Variants in SEPTIN4 observed in about 807,000 individuals in gnomAD.
SEPTIN4 encodes the protein septin-4.
A neutral mutation model predicts 107.1 loss-of-function variants in SEPTIN4; 52 were observed. The observed-to-expected ratio is 0.49, with a 90% CI of 0.39 to 0.61. The LOEUF (loss-of-function observed/expected upper bound fraction) is 0.61, where lower values mean the gene tolerates loss of function less well. Ranked by LOEUF, SEPTIN4 falls within the 20% of genes least tolerant of loss-of-function variation. SEPTIN4 has a pLI of 0.00. For synonymous variants in SEPTIN4, 417 were observed against 467.0 expected (o/e 0.89, Z 1.38); for missense variants, 1,048 against 1,243.5 (o/e 0.84, Z 2.36).
In SEPTIN4 at chr17:58,542,963, C is replaced by G. The variant is rs1176955659; in HGVS notation, c.1224G>C (p.Leu408=). 1 of 1,613,992 alleles carries G rather than the reference C, an allele frequency of 6.2e-7. No individual in the cohort carries two copies. The highest frequency in any genetic ancestry group is 1.6e-4 in the Middle Eastern group (1 of 6,062). ...ACCGAGGAGGCAAGGGCCTAGGGGT[C>G]AGTTCCAGTTCTGCATGGATGGAGG... is the stretch of plus-strand genomic sequence containing the variant. ...QKPSIHAELE[L]TPRPLPPRSL... is the part of the protein sequence containing the mutation. The change falls in exon 1 of 14, where the codon CTG becomes CTC. Residue 408 remains leucine (L), a synonymous_variant. Transcript: ENST00000672673.
At chr17:58,539,586 T>C (rs1334548248) in intron 3 of SEPTIN4, among the ~76,000 whole-genome samples, 1 of 152,224 alleles carries the variant, frequency 6.6e-6, no homozygotes, top group Non-Finnish European at 1.5e-5. Context: ...TTCATATTGT[T>C]GTTTAAATGT....
intron 5 of SEPTIN4, 42 bp downstream of exon 5, chr17:58,526,178 C>G (rs371979139): frequency 7.2e-6 from 11 of 1,538,140 alleles, no homozygotes; most frequent in Admixed American, 4.1e-5. Flanking sequence ...CCATCCCCAC[C>G]TGAAACACAC....
intron 3 of SEPTIN4, among the ~76,000 whole-genome samples, chr17:58,536,352 C>T (rs1427216183): frequency 6.6e-6 from 1 of 152,204 alleles, no homozygotes; most frequent in Non-Finnish European, 1.5e-5. Context: ...TCAACTGTGA[C>T]TATTTCAAAT....
Position 58,521,411 on chromosome 17 carries a change from T to C in SEPTIN4, c.2572-61A>G, listed in dbSNP as rs2144000636. ...GTTCTCACCTCTTTCTTTCCACCTGTATCGTCATCTTCTCTGCTTCATTCT... is the reference window on the plus strand; with the variant it reads ...GTTCTCACCTCTTTCTTTCCACCTGCATCGTCATCTTCTCTGCTTCATTCT... On this transcript the variant is annotated intron_variant, in intron 10 of 13. Coordinates refer to ENST00000672673, the MANE Select transcript of SEPTIN4 (RefSeq NM_001368771.2). This position sits in a 1 kb window ranked among gnomAD's most constrained non-coding sequence, Gnocchi z 6.4. The C allele has an allele frequency of 1.9e-6, 3 of 1,577,870 alleles. No individual in the cohort carries two copies. In the South Asian group the frequency reaches 3.3e-5, roughly 17 times the overall value.
In SEPTIN4 at chr17:58,521,261, G is replaced by A. The variant is rs781741246; in HGVS notation, c.2661C>T (p.Ile887=). 119 of 1,614,084 alleles carry A rather than the reference G, an allele frequency of 7.4e-5. No individual in the cohort carries two copies. Among genetic ancestry groups the A allele is most frequent in the Middle Eastern group, 1.6e-4 (1 of 6,084 alleles). ...ACAGGCTCAGTGCTTTACCTTCCAC[G>A]ATGCCCCAGGGGTAGAGTCGACCCC... ...RVRGRLYPWG[I]VEVENPGHCD... is the part of the protein sequence containing the mutation. The change falls in exon 11 of 14, where the codon ATC becomes ATT. Residue 887 remains isoleucine (I), a synonymous_variant. Coordinates refer to ENST00000672673, the MANE Select transcript of SEPTIN4 (RefSeq NM_001368771.2). The surrounding 1 kb of genome is among the most constrained non-coding windows in gnomAD (Gnocchi z 6.4).
chr17:58,541,353 G>A (rs1289097252), intron 2 of SEPTIN4, among the ~76,000 whole-genome samples: 1 of 152,222 alleles, frequency 6.6e-6, no homozygotes, highest in Non-Finnish European at 1.5e-5. Context: ...AGTATAAAGG[G>A]AGAGGAGGGT....
At chr17:58,529,748 C>T (rs1435316401) in intron 3 of SEPTIN4, 1 of 152,670 alleles carries the variant, frequency 6.6e-6, no homozygotes, top group Non-Finnish European at 1.5e-5. Flanking sequence ...TCCTATACTC[C>T]CCCATATAGG....
chr17:58,531,886 G>T, intron 3 of SEPTIN4: 3 of 1,111,728 alleles, frequency 2.7e-6, no homozygotes, highest in Non-Finnish European at 2.2e-6. Context: ...GGGTCCCCTT[G>T]CAGCCGCCCG....
chr17:58,521,792 T>G lies in SEPTIN4; in HGVS notation c.2413A>C (p.Ile805Leu), dbSNP rs371918956. The change falls in exon 9 of 14, where the codon ATC becomes CTC. Residue 805 changes from isoleucine (I) to leucine (L), a missense_variant. Ile to Leu is a conservative substitution (Grantham distance 5). Coordinates refer to ENST00000672673, the MANE Select transcript of SEPTIN4 (RefSeq NM_001368771.2). The surrounding 1 kb of genome is among the most constrained non-coding windows in gnomAD (Gnocchi z 6.4). The part of the protein sequence containing the change: ...ALHQRVNIVP[I>L]LAKADTLTPP... ...GTCAGTGTGTCTGCCTTAGCCAGGA[T>G]AGGCACGATGTTGACCCGCTGATGC... 6.2e-7 allele frequency: 1 copy of G among 1,614,194 alleles called. No individual in the cohort carries two copies. Among genetic ancestry groups the G allele is most frequent in the South Asian group, 1.1e-5 (1 of 91,084 alleles).
chr17:58,531,986 G>T, intron 3 of SEPTIN4: 1 of 1,144,412 alleles, frequency 8.7e-7, no homozygotes, highest in South Asian at 4.2e-5. Context: ...GGCGGGGCCG[G>T]CTCCGCCTGG....
rs2043924315 is a variant in SEPTIN4 at position 58,543,035 on chromosome 17, G to A, written c.1152C>T (p.Tyr384=). 1.2e-6 allele frequency: 2 copies of A among 1,610,940 alleles called. No homozygotes were observed. The highest frequency in any genetic ancestry group is 1.3e-5 in the African/African-American group (1 of 74,584). Residue 384 remains tyrosine, a synonymous_variant, in exon 1 of 14, where the codon TAC becomes TAT. Coordinates refer to ENST00000672673, the MANE Select transcript of SEPTIN4 (RefSeq NM_001368771.2). ...QQTQKPPEIT[Y]MSQGPTPRYP... is the part of the protein sequence containing the mutation. ...ACCTGGGTGTAGGTCCTTGGGACAT[G>A]TAAGTAATTTCTGGGGGTTTTTGGG...
intron 2 of SEPTIN4, among the ~76,000 whole-genome samples, chr17:58,541,278 C>A (rs1664183291): frequency 6.6e-6 from 1 of 152,150 alleles, no homozygotes; most frequent in Non-Finnish European, 1.5e-5. Context: ...GCAAGAAGTC[C>A]CTGCTGCCAA....
In SEPTIN4 at chr17:58,538,924, A is replaced by G. The variant is rs2043803024; in HGVS notation, c.1614+1742T>C. ...AGGCCACCAGAGAATTCCTGCCAGG[A>G]ATGGAATCTGGAACAGACTCTATGG... On this transcript the variant is annotated intron_variant, in intron 3 of 13. Coordinates refer to ENST00000672673, the MANE Select transcript of SEPTIN4 (RefSeq NM_001368771.2). The surrounding 1 kb of genome is among the most constrained non-coding windows in gnomAD (Gnocchi z 4.7). Among the ~76,000 whole-genome samples the G allele has an allele frequency of 6.6e-6, 1 of 152,230 alleles. No homozygotes were observed. Among genetic ancestry groups the G allele is most frequent in the Non-Finnish European group, 1.5e-5 (1 of 68,032 alleles).
intron 3 of SEPTIN4, among the ~76,000 whole-genome samples, chr17:58,539,545 C>T (rs1335233822): frequency 1.3e-5 from 2 of 152,192 alleles, no homozygotes; most frequent in East Asian, 1.9e-4. Flanking sequence ...TCAGCCTGTT[C>T]CATCTATTTT....
chr17:58,520,871 A>T lies in SEPTIN4; in HGVS notation c.2832-29T>A, dbSNP rs376698806. ...AAGGGAGAAAAGGGTTGATAAGGCG[A>T]GGAGGACCCCAGCACCCGCTTAGAT... On this transcript the variant is annotated intron_variant, in intron 12 of 13. Coordinates refer to ENST00000672673, the MANE Select transcript of SEPTIN4 (RefSeq NM_001368771.2). 20 of 1,613,912 alleles carry T rather than the reference A, an allele frequency of 1.2e-5. No homozygotes were observed. The African/African-American group carries it at 2.5e-4, about 20-fold the overall frequency.
chr17:58,522,235 A>G, intron 7 of SEPTIN4, 134 bp from the exon 8 acceptor site: 1 of 1,186,260 alleles, frequency 8.4e-7, no homozygotes, highest in Non-Finnish European at 1.2e-6. Context: ...GCTTTACTAA[A>G]TCTTTAGAGA....
At chr17:58,532,203 G>T in intron 3 of SEPTIN4, 1 of 649,108 alleles carries the variant, frequency 1.5e-6, no homozygotes, top group Non-Finnish European at 2.0e-6. Flanking sequence ...CGGCCTCGCA[G>T]CCCGCGACCC....
At position 58,526,791 on chromosome 17, in the gene SEPTIN4, C is replaced by T. The variant is rs374225221; in HGVS notation, c.1802G>A (p.Arg601Gln). 36 of 1,613,454 alleles carry T rather than the reference C, an allele frequency of 2.2e-5. No homozygotes were observed. The highest frequency in any genetic ancestry group is 3.3e-5 in the South Asian group (3 of 91,064). Residue 601 changes from arginine (R) to glutamine (Q), a missense_variant, in exon 4 of 14, where the codon CGG becomes CAG. Arg to Gln is a conservative substitution (Grantham distance 43). This residue lies in a region of SEPTIN4 where 787 missense variants were observed against 871.8 expected (regional missense o/e 0.90). Transcript: ENST00000672673. ...CTGCTGGTTGTCAGAGGACTGGGGCCGCGAGGGGGGTCTGAACTCCAGGTC... is the reference window on the plus strand; with the variant it reads ...CTGCTGGTTGTCAGAGGACTGGGGCTGCGAGGGGGGTCTGAACTCCAGGTC... ...DDDLEFRPPSRPQSSDNQQYF... is the reference protein window; with the variant it reads ...DDDLEFRPPSQPQSSDNQQYF...
chr17:58,543,049 G>T lies in SEPTIN4; in HGVS notation c.1138C>A (p.Pro380Thr), dbSNP rs1314079544. 6.2e-7 allele frequency: 1 copy of T among 1,611,036 alleles called. No individual in the cohort carries two copies. ...CCTTGGGACATGTAAGTAATTTCTG[G>T]GGGTTTTTGGGTTTGCTGTTTATAG... is the stretch of plus-strand genomic sequence containing the variant. ...PIYKQQTQKP[P>T]EITYMSQGPT... Residue 380 changes from proline (P) to threonine (T), a missense_variant, in exon 1 of 14, where the codon CCA (proline) becomes ACA (threonine). By Grantham distance (38) the Pro-to-Thr change is conservative. Around this residue, in one of 2 missense-constraint regions of SEPTIN4, gnomAD observed 787 missense variants for 871.8 expected, o/e 0.90. Coordinates refer to ENST00000672673, the MANE Select transcript of SEPTIN4 (RefSeq NM_001368771.2).
Sources: allele counts gnomAD v4.1 joint callset (sites outside exome capture counted in the v4.1 genomes callset), GRCh38; gene constraint gnomAD v4.1.1; regional missense constraint gnomAD v4.1.1; non-coding constraint Gnocchi (gnomAD v3.1); transcripts MANE v1.5; gene names NCBI Gene and HGNC (gene_info 2026-07-23, HGNC 2026-07-21).